The following PTPRN2 variants were observed in gnomAD, a reference collection of about 807,000 sequenced individuals.
PTPRN2 encodes receptor-type tyrosine-protein phosphatase N2.
PTPRN2 carries 74 observed loss-of-function variants against 118.8 expected under a neutral mutation model. The observed-to-expected ratio is 0.62, with a 90% CI of 0.52 to 0.76. The LOEUF (loss-of-function observed/expected upper bound fraction) is 0.76. Ranked by LOEUF, PTPRN2 falls within the 30% of genes least tolerant of loss-of-function variation. The probability of loss-of-function intolerance (pLI) is 0.00; values close to 1 mark genes in which losing one functional copy is unlikely to be tolerated. For missense variants in PTPRN2, 1,481 were observed against 1,394.4 expected (o/e 1.06, Z -0.99); for synonymous variants, 641 against 608.0 (o/e 1.05, Z -0.80).
intron 4 of PTPRN2, among the ~76,000 whole-genome samples, chr7:158,194,830 C>T (rs1475865511): frequency 2.0e-5 from 3 of 152,214 alleles, no homozygotes; most frequent in Non-Finnish European, 4.4e-5. Flanking sequence ...CCACAGGTTG[C>T]CTCCAAGGGA....
At chr7:157,637,582 C>T (rs1180800789) in intron 14 of PTPRN2, among the ~76,000 whole-genome samples, 1 of 152,198 alleles carries the variant, frequency 6.6e-6, no homozygotes, top group Non-Finnish European at 1.5e-5. Context: ...CTCTCCCCAC[C>T]CTGATGGTCA....
chr7:158,395,158 G>A (rs1433192092), intron 2 of PTPRN2, among the ~76,000 whole-genome samples: 2 of 151,940 alleles, frequency 1.3e-5, no homozygotes, highest in Non-Finnish European at 2.9e-5. Flanking sequence ...CCACCTTCCA[G>A]GAGCCTCCGG....
intron 13 of PTPRN2, among the ~76,000 whole-genome samples, chr7:157,680,798 GA>G (rs1422933517): frequency 6.6e-6 from 1 of 152,026 alleles, no homozygotes; most frequent in Non-Finnish European, 1.5e-5. Context: ...CATTTTTAAA[GA>G]AAAAAAGTTT....
chr7:158,043,069 G>A (rs1808587478), intron 11 of PTPRN2, among the ~76,000 whole-genome samples: 1 of 152,142 alleles, frequency 6.6e-6, no homozygotes, highest in Admixed American at 6.5e-5. Context: ...AGCTCCTGAT[G>A]GGCGTGGTGG....
At chr7:157,637,698 T>C (rs1209329484) in intron 14 of PTPRN2, among the ~76,000 whole-genome samples, 2 of 152,212 alleles carry the variant, frequency 1.3e-5, no homozygotes, top group African/African-American at 2.4e-5. Flanking sequence ...GGACCATTTT[T>C]ACTCCACTGA....
chr7:157,966,047 G>A (rs1025702546), intron 11 of PTPRN2, among the ~76,000 whole-genome samples: 1 of 151,954 alleles, frequency 6.6e-6, no homozygotes, highest in South Asian at 2.1e-4. Flanking sequence ...CAGGTGCCAG[G>A]AGAACTGCAG....
At chr7:157,624,723 G>T (rs748404541) in intron 14 of PTPRN2, among the ~76,000 whole-genome samples, 19 of 152,304 alleles carry the variant, frequency 1.2e-4, no homozygotes, top group Middle Eastern at 3.4e-3. Flanking sequence ...TGGTCATCCT[G>T]CATGTGAACT....
chr7:157,928,371 A>T (rs1799150213), intron 11 of PTPRN2, among the ~76,000 whole-genome samples: 1 of 152,282 alleles, frequency 6.6e-6, no homozygotes, highest in South Asian at 2.1e-4. Context: ...TCCCTGAGAA[A>T]GATAGAACTG....
chr7:158,533,559 C>G (rs373941559), intron 1 of PTPRN2, among the ~76,000 whole-genome samples: 1 of 152,190 alleles, frequency 6.6e-6, no homozygotes, highest in East Asian at 1.9e-4. Context: ...GGTCTCCCTG[C>G]AACACACGAG....
At chr7:157,677,967 C>T (rs555869303) in intron 13 of PTPRN2, among the ~76,000 whole-genome samples, 5 of 152,244 alleles carry the variant, frequency 3.3e-5, no homozygotes, top group South Asian at 2.1e-4. Flanking sequence ...ATCCACGTCT[C>T]GAAAGTTTCA....
At position 157,742,814 on chromosome 7, in the gene PTPRN2, A is replaced by G. The variant is rs543490105; in HGVS notation, c.1789-59877T>C. Reference sequence around the variant, plus strand: ...AGAAAGACACAGTCTCAGTGAGATGATACCAACTTGGAGCTTAGTTTCTTC... The same window carrying G: ...AGAAAGACACAGTCTCAGTGAGATGGTACCAACTTGGAGCTTAGTTTCTTC... On this transcript the variant is annotated intron_variant, in intron 12 of 22. Transcript: ENST00000389418. Among the ~76,000 whole-genome samples, 3 of 152,370 alleles carry G rather than the reference A, an allele frequency of 2.0e-5. No homozygotes were observed. In the South Asian group the frequency reaches 6.2e-4, roughly 32 times the overall value.
chr7:158,071,233 G>A (rs1405992540), intron 11 of PTPRN2, among the ~76,000 whole-genome samples: 2 of 78,046 alleles, frequency 2.6e-5, no homozygotes, highest in Non-Finnish European at 5.4e-5. Flanking sequence ...GCCCGTGGTG[G>A]TGGAGGTGCT....
At chr7:158,547,085 T>C (rs2129449914) in intron 1 of PTPRN2, among the ~76,000 whole-genome samples, 1 of 152,344 alleles carries the variant, frequency 6.6e-6, no homozygotes, top group Middle Eastern at 3.4e-3. Flanking sequence ...TCAGGGGTTC[T>C]GTGCAGGCAA....
chr7:158,026,573 C>T (rs567583268), intron 11 of PTPRN2, among the ~76,000 whole-genome samples: 2 of 152,224 alleles, frequency 1.3e-5, no homozygotes, highest in Non-Finnish European at 2.9e-5. Context: ...CTTACATAAT[C>T]ATACACTAAA....
intron 3 of PTPRN2, among the ~76,000 whole-genome samples, chr7:158,260,549 A>T (rs1797330043): frequency 6.6e-6 from 1 of 152,234 alleles, no homozygotes; most frequent in Non-Finnish European, 1.5e-5. Flanking sequence ...TAGAATCCAA[A>T]GTATGCACTC....
chr7:158,396,120 G>A (rs55701656), intron 2 of PTPRN2, among the ~76,000 whole-genome samples: 64,558 of 151,886 alleles, frequency 0.43, 14,777 homozygotes, highest in East Asian at 0.75. Flanking sequence ...GCGAAGGCCG[G>A]GACACGCACA....
chr7:158,277,220 T>C (rs1345531917), intron 3 of PTPRN2, among the ~76,000 whole-genome samples: 3 of 152,226 alleles, frequency 2.0e-5, no homozygotes, highest in African/African-American at 7.2e-5. Context: ...CTTTAAGAAC[T>C]GTCAGAGCGG....
At chr7:157,954,148 TGG>T in intron 11 of PTPRN2, among the ~76,000 whole-genome samples, 3 of 145,814 alleles carry the variant, frequency 2.1e-5, no homozygotes, top group African/African-American at 7.6e-5. Context: ...TCCATGTGGG[TGG>T]TGCCTGTGTA....
At chr7:158,247,802 G>A (rs913322697) in intron 3 of PTPRN2, among the ~76,000 whole-genome samples, 5 of 152,124 alleles carry the variant, frequency 3.3e-5, no homozygotes, top group Non-Finnish European at 7.4e-5. Flanking sequence ...TTTTAGTAGA[G>A]ATGGGTTTTC....
Sources: gnomAD v4.1 joint callset for allele counts (sites outside exome capture counted in the v4.1 genomes callset) on GRCh38, gnomAD v4.1.1 for gene constraint, MANE v1.5 for transcripts, NCBI Gene and HGNC (gene_info 2026-07-23, HGNC 2026-07-21) for gene names.